The following ANTXR2 variants were observed in gnomAD, a reference collection of about 807,000 sequenced individuals.
ANTXR2 encodes the protein ANTXR cell adhesion molecule 2, also known as anthrax toxin receptor 2.
In ANTXR2, 44 loss-of-function variants were observed where a neutral mutation model predicts 73.7. The observed-to-expected ratio is 0.60, with a 90% CI of 0.47 to 0.77. The LOEUF is 0.77. Ranked by LOEUF, ANTXR2 falls within the 30% of genes least tolerant of loss-of-function variation. ANTXR2 has a pLI of 0.00. For missense variants in ANTXR2, 604 were observed against 592.5 expected (o/e 1.02, Z -0.20); for synonymous variants, 217 against 205.9 (o/e 1.05, Z -0.46).
chr4:80,020,116 G>T (rs868029303), intron 10 of ANTXR2, among the ~76,000 whole-genome samples: 1 of 152,142 alleles, frequency 6.6e-6, no homozygotes, highest in Non-Finnish European at 1.5e-5. Context: ...GGTGGCTCAC[G>T]CCTATAGTCC....
rs1733946867 is a variant in ANTXR2 at position 80,055,368 on chromosome 4, C to G, written c.478G>C (p.Glu160Gln). 1 of 1,610,174 alleles carries G rather than the reference C, an allele frequency of 6.2e-7. No individual in the cohort carries two copies. Among genetic ancestry groups the G allele is most frequent in the East Asian group, 2.2e-5 (1 of 44,776 alleles). ...KLDGLVPSYA[E>Q]KEAKISRSLG... ...CTCAGTTCAATACTCACCTCTTTCT[C>G]TGCATATGATGGCACCAGACCGTCC... Residue 160 changes from glutamate (E) to glutamine (Q), a missense_variant, in exon 5 of 17, where the codon GAG (glutamate) becomes CAG (glutamine). Coordinates refer to ENST00000403729, the MANE Select transcript of ANTXR2 (RefSeq NM_058172.6).
chr4:79,983,430 A>G (rs1446174129), intron 14 of ANTXR2, among the ~76,000 whole-genome samples: 2 of 152,158 alleles, frequency 1.3e-5, no homozygotes, highest in East Asian at 3.8e-4. Context: ...ACTAACATAA[A>G]GTATTAAATG....
intron 14 of ANTXR2, among the ~76,000 whole-genome samples, chr4:79,983,439 T>C (rs1729972239): frequency 6.6e-6 from 1 of 152,160 alleles, no homozygotes; most frequent in African/African-American, 2.4e-5. Context: ...AAGTATTAAA[T>C]GTGCTTCCTC....
chr4:79,961,005 G>C (rs1316095134), intron 16 of ANTXR2, among the ~76,000 whole-genome samples: 1 of 151,938 alleles, frequency 6.6e-6, no homozygotes, highest in Non-Finnish European at 1.5e-5. Context: ...GAGTTATAAA[G>C]CTTTCCTTAA....
rs1412863870 is a variant in ANTXR2, at chr4:79,905,516, A to C, written c.*1913T>G. On this transcript the variant is annotated 3_prime_UTR_variant, in exon 17 of 17. Coordinates refer to ENST00000403729, the MANE Select transcript of ANTXR2 (RefSeq NM_058172.6). ...CTGAAACTAAGCATAACAACTGCATATTCAACCCAAGAAGGCATTAGCTTT... is the reference window on the plus strand; with the variant it reads ...CTGAAACTAAGCATAACAACTGCATCTTCAACCCAAGAAGGCATTAGCTTT... The C allele has an allele frequency of 6.6e-6, 1 of 152,186 alleles. No individual in the cohort carries two copies. The highest frequency in any genetic ancestry group is 1.5e-5 in the Non-Finnish European group (1 of 68,036). 9.4% of individuals were successfully genotyped at this position (152,186 alleles called of 1,614,324 possible).
At chr4:80,057,819 T>C (rs890352214) in intron 3 of ANTXR2, among the ~76,000 whole-genome samples, 2 of 152,086 alleles carry the variant, frequency 1.3e-5, no homozygotes, top group African/African-American at 4.8e-5. Context: ...ATGTCTTTTA[T>C]TTATGCTGTA....
chr4:79,951,699 G>A (rs1728717698), intron 16 of ANTXR2, among the ~76,000 whole-genome samples: 1 of 151,928 alleles, frequency 6.6e-6, no homozygotes, highest in South Asian at 2.1e-4. Flanking sequence ...TTGAATCACT[G>A]TCCCAGAACA....
At chr4:79,937,498 CAA>C in intron 16 of ANTXR2, among the ~76,000 whole-genome samples, 1 of 152,214 alleles carries the variant, frequency 6.6e-6, no homozygotes, top group East Asian at 1.9e-4. Flanking sequence ...CACTTTTTCC[CAA>C]CTCTAATTTG....
chr4:80,010,182 G>C (rs184114122), intron 11 of ANTXR2, among the ~76,000 whole-genome samples: 2 of 152,028 alleles, frequency 1.3e-5, no homozygotes, highest in Non-Finnish European at 2.9e-5. Flanking sequence ...ATTCCAAAGT[G>C]CATCTTTCTT....
At chr4:79,921,231 G>T (rs1005570814) in intron 16 of ANTXR2, among the ~76,000 whole-genome samples, 2 of 151,928 alleles carry the variant, frequency 1.3e-5, no homozygotes, top group African/African-American at 4.8e-5. Context: ...AGTTGCTTTT[G>T]GCACATTTAA....
At chr4:79,966,774 T>C (rs1729381985) in intron 16 of ANTXR2, among the ~76,000 whole-genome samples, 1 of 152,236 alleles carries the variant, frequency 6.6e-6, no homozygotes, top group Non-Finnish European at 1.5e-5. Context: ...TACATTATTT[T>C]AGAGACTTAA....
chr4:79,910,510 AAAAAAAAAAAAAGAAAAAAAAG>A (rs1347611421), intron 16 of ANTXR2, among the ~76,000 whole-genome samples: 1 of 129,460 alleles, frequency 7.7e-6, no homozygotes, highest in Admixed American at 7.9e-5. Flanking sequence ...TCCGTCTCAA[AAAAAAAAAAAAAGAAAAAAAAG>A]AAAAAAAAAA....
chr4:79,944,535 T>A (rs1728441292), intron 16 of ANTXR2, among the ~76,000 whole-genome samples: 1 of 150,522 alleles, frequency 6.6e-6, no homozygotes, highest in South Asian at 2.1e-4. Flanking sequence ...GTTCTTATAC[T>A]TGTGTATAGT....
chr4:79,934,779 G>A (rs745903523), intron 16 of ANTXR2, among the ~76,000 whole-genome samples: 14 of 147,528 alleles, frequency 9.5e-5, no homozygotes, highest in Non-Finnish European at 1.6e-4. Context: ...ACATAGACTT[G>A]TTTTAAATAA....
At chr4:79,925,357 G>C (rs1054335130) in intron 16 of ANTXR2, among the ~76,000 whole-genome samples, 1 of 150,566 alleles carries the variant, frequency 6.6e-6, no homozygotes, top group Non-Finnish European at 1.5e-5. Flanking sequence ...AGGTTTCTTG[G>C]GCACTTCTAT....
intron 16 of ANTXR2, among the ~76,000 whole-genome samples, chr4:79,931,657 ACAGG>A (rs1728063860): frequency 6.6e-6 from 1 of 152,328 alleles, no homozygotes; most frequent in African/African-American, 2.4e-5. Flanking sequence ...CAGTGCACTT[ACAGG>A]AAGTCTGTGA....
chr4:80,026,012 T>C (rs1319865605), intron 10 of ANTXR2, among the ~76,000 whole-genome samples: 1 of 152,154 alleles, frequency 6.6e-6, no homozygotes, highest in African/African-American at 2.4e-5. Context: ...AAAAAGACAC[T>C]TAAAAAACAA....
At chr4:80,011,701 T>G (rs1257783230) in intron 11 of ANTXR2, among the ~76,000 whole-genome samples, 1 of 152,226 alleles carries the variant, frequency 6.6e-6, no homozygotes. Context: ...GACTGAATTC[T>G]GTAGTGTTCC....
Position 80,055,213 on chromosome 4 carries a change from C to A in ANTXR2, c.492G>T (p.Lys164Asn). Residue 164 changes from lysine to asparagine, a missense_variant, in exon 6 of 17, where the codon AAG becomes AAT. Lys to Asn is a moderately conservative substitution (Grantham distance 94). Transcript: ENST00000403729. Reference sequence around the variant, plus strand: ...CACTAGCCCCAAGTGACCTGGATATCTTTGCCTATGGAGAATGAGGAGGGA... The same window carrying A: ...CACTAGCCCCAAGTGACCTGGATATATTTGCCTATGGAGAATGAGGAGGGA... ...LVPSYAEKEA[K>N]ISRSLGASVY... 1 of 1,568,276 alleles carries A rather than the reference C, an allele frequency of 6.4e-7. No individual in the cohort carries two copies. The highest frequency in any genetic ancestry group is 1.2e-5 in the South Asian group (1 of 85,600).
Sources: gnomAD v4.1 joint callset for allele counts (sites outside exome capture counted in the v4.1 genomes callset) on GRCh38, gnomAD v4.1.1 for gene constraint, MANE v1.5 for transcripts, NCBI Gene and HGNC (gene_info 2026-07-23, HGNC 2026-07-21) for gene names.